The following ATP13A5 variants were observed in gnomAD, a reference collection of about 807,000 sequenced individuals.
The protein encoded by ATP13A5 is ATPase 13A5.
Under a neutral mutation model 150.2 loss-of-function variants are expected in ATP13A5, and 149 were observed. That is an observed-to-expected ratio of 0.99 (90% CI 0.87 to 1.14). The LOEUF (loss-of-function observed/expected upper bound fraction) is 1.14, where lower values mean the gene tolerates loss of function less well. ATP13A5 is among the 50% of genes most tolerant of loss of function. The pLI is 0.00. For missense variants in ATP13A5, 1,383 were observed against 1,449.3 expected (o/e 0.95, Z 0.74); for synonymous variants, 497 against 522.2 (o/e 0.95, Z 0.66).
intron 17 of ATP13A5, 66 bp from the exon 18 acceptor site, chr3:193,315,162 C>A: frequency 2.1e-6 from 3 of 1,451,092 alleles, no homozygotes; most frequent in Non-Finnish European, 2.8e-6. Context: ...CAATTTATTT[C>A]TTCTTTTAAA....
intron 25 of ATP13A5, among the ~76,000 whole-genome samples, chr3:193,290,406 C>T (rs1717905472): frequency 6.6e-6 from 1 of 151,994 alleles, no homozygotes; most frequent in Admixed American, 6.6e-5. Context: ...ATAAGCAACA[C>T]TAATATTGTG....
intron 3 of ATP13A5, among the ~76,000 whole-genome samples, 166 bp from the exon 4 acceptor site, chr3:193,362,803 T>TTCTCTCTTTCTTTCTC (rs1560151102): frequency 3.8e-5 from 2 of 52,286 alleles, no homozygotes; most frequent in African/African-American, 1.0e-4. Flanking sequence ...CTTTCTTTCT[T>TTCTCTCTTTCTTTCTC]TCTTTCTTTC....
In ATP13A5 at chr3:193,302,019, G is replaced by A. The variant is rs780000808; in HGVS notation, c.2679-712C>T. Reference sequence around the variant, plus strand: ...CTGAATGGTGGATTATGACAGGTTAGAAGAAAAAAATGTGAGGTAGCAGCA... The same window carrying A: ...CTGAATGGTGGATTATGACAGGTTAAAAGAAAAAAATGTGAGGTAGCAGCA... On this transcript the variant is annotated intron_variant, in intron 23 of 29. Coordinates refer to ENST00000342358, the MANE Select transcript of ATP13A5 (RefSeq NM_198505.4). 1.2e-3 allele frequency among the ~76,000 whole-genome samples: 185 copies of A among 152,242 alleles called. 2 individuals are homozygous for A. Among genetic ancestry groups the A allele is most frequent in the Non-Finnish European group, 1.0e-3 (70 of 68,010 alleles).
chr3:193,346,143 T>A (rs909871374), intron 7 of ATP13A5, among the ~76,000 whole-genome samples: 20 of 152,122 alleles, frequency 1.3e-4, no homozygotes, highest in African/African-American at 4.8e-4. Flanking sequence ...ACAATAGGGT[T>A]AAGTTTTAAG....
chr3:193,285,899 C>T (rs113869027), intron 26 of ATP13A5, among the ~76,000 whole-genome samples: 73 of 152,294 alleles, frequency 4.8e-4, no homozygotes, highest in African/African-American at 1.8e-3. Flanking sequence ...GGCAATAACA[C>T]ATAGCAAGCT....
chr3:193,354,739 G>A (rs1399872579), intron 5 of ATP13A5, among the ~76,000 whole-genome samples: 1 of 151,952 alleles, frequency 6.6e-6, no homozygotes, highest in East Asian at 1.9e-4. Flanking sequence ...TATACACAAG[G>A]TGTAATACAT....
chr3:193,283,848 T>C (rs1461191793), intron 27 of ATP13A5, among the ~76,000 whole-genome samples: 1 of 150,826 alleles, frequency 6.6e-6, no homozygotes, highest in Non-Finnish European at 1.5e-5. Context: ...TGACCATCTT[T>C]ATCATGCAAT....
At chr3:193,359,374 C>T (rs925692259) in intron 5 of ATP13A5, among the ~76,000 whole-genome samples, 2 of 152,116 alleles carry the variant, frequency 1.3e-5, no homozygotes, top group African/African-American at 4.8e-5. Context: ...ACAGCAGCCT[C>T]TCTCTGTCCT....
chr3:193,322,470 A>G (rs373738785), intron 15 of ATP13A5, 21 bp downstream of exon 15: 8 of 1,550,718 alleles, frequency 5.2e-6, no homozygotes, highest in Admixed American at 3.4e-5. Context: ...GAGCTATGTG[A>G]TGTAAAGAAG....
chr3:193,306,943 G>A (rs369309983), intron 22 of ATP13A5, among the ~76,000 whole-genome samples: 118 of 152,086 alleles, frequency 7.8e-4, no homozygotes, highest in Non-Finnish European at 1.4e-3. Flanking sequence ...TTCAAACTTC[G>A]TTTCATTGAG....
chr3:193,331,739 T>A (rs374060235), intron 11 of ATP13A5, among the ~76,000 whole-genome samples: 16 of 152,270 alleles, frequency 1.1e-4, no homozygotes, highest in South Asian at 4.1e-4. Flanking sequence ...GAAGCCAATA[T>A]AAAATTAGCT....
chr3:193,327,238 C>A (rs979940677), intron 12 of ATP13A5, among the ~76,000 whole-genome samples, 181 bp from the exon 13 acceptor site: 2 of 152,184 alleles, frequency 1.3e-5, no homozygotes, highest in Admixed American at 1.3e-4. Flanking sequence ...GCAGGTGATA[C>A]ATGATCCCCA....
chr3:193,289,831 A>G (rs751418826), intron 26 of ATP13A5, 54 bp downstream of exon 26: 23 of 1,500,294 alleles, frequency 1.5e-5, no homozygotes, highest in Non-Finnish European at 2.1e-5. Flanking sequence ...ATGCAATGTC[A>G]TTGGATATTT....
intron 1 of ATP13A5, among the ~76,000 whole-genome samples, chr3:193,377,679 G>C (rs996611533): frequency 3.9e-5 from 6 of 152,178 alleles, no homozygotes; most frequent in African/African-American, 1.2e-4. Context: ...ATTTGCCCCA[G>C]ATCTCACAGG....
chr3:193,317,303 ATTT>A (rs1355586053), intron 17 of ATP13A5, among the ~76,000 whole-genome samples: 2 of 152,118 alleles, frequency 1.3e-5, no homozygotes, highest in Non-Finnish European at 2.9e-5. Context: ...CTTACTTTAT[ATTT>A]TCCCCCTCAG....
At chr3:193,334,884 C>A in intron 10 of ATP13A5, 45 bp downstream of exon 10, 1 of 1,569,330 alleles carries the variant, frequency 6.4e-7, no homozygotes, top group Non-Finnish European at 8.7e-7. Flanking sequence ...CAACTCTCCC[C>A]ATGTTCAAGC....
chr3:193,363,094 T>G (rs114092385), intron 3 of ATP13A5, 142 bp downstream of exon 3: 68,694 of 1,059,828 alleles, frequency 0.065, 2,628 homozygotes, highest in Non-Finnish European at 0.075. Flanking sequence ...TGAACGACCA[T>G]GCCCAGCCAG....
At chr3:193,287,257 T>C (rs1192015105) in intron 26 of ATP13A5, among the ~76,000 whole-genome samples, 1 of 152,048 alleles carries the variant, frequency 6.6e-6, no homozygotes, top group Non-Finnish European at 1.5e-5. Context: ...TTAATGAAGG[T>C]GTCTACACTA....
chr3:193,353,119 C>A (rs1206040322), intron 6 of ATP13A5, among the ~76,000 whole-genome samples: 1 of 151,826 alleles, frequency 6.6e-6, no homozygotes, highest in Non-Finnish European at 1.5e-5. Context: ...GAGGAGTGTC[C>A]ATGGGACAAC....
Sources: gnomAD v4.1 joint callset for allele counts (sites outside exome capture counted in the v4.1 genomes callset) on GRCh38, gnomAD v4.1.1 for gene constraint, MANE v1.5 for transcripts, NCBI Gene and HGNC (gene_info 2026-07-23, HGNC 2026-07-21) for gene names.